PRKAR1B: variants seen among roughly 807,000 people sequenced by gnomAD.
PRKAR1B encodes the protein cAMP-dependent protein kinase type I-beta regulatory subunit.
A neutral mutation model predicts 46.5 loss-of-function variants in PRKAR1B; 22 were observed. The observed-to-expected ratio is 0.47, with a 90% CI of 0.34 to 0.68. The LOEUF is 0.68. PRKAR1B is among the 30% of genes least tolerant of loss of function. PRKAR1B has a pLI of 0.01. For missense variants in PRKAR1B, 445 were observed against 535.6 expected (o/e 0.83, Z 1.67); for synonymous variants, 259 against 217.7 (o/e 1.19, Z -1.67).
intron 2 of PRKAR1B, among the ~76,000 whole-genome samples, chr7:704,605 G>C (rs983374289): frequency 6.6e-6 from 1 of 151,266 alleles, no homozygotes; most frequent in Non-Finnish European, 1.5e-5. Flanking sequence ...GTGAAATCCC[G>C]TCCCCACCAA....
intron 4 of PRKAR1B, among the ~76,000 whole-genome samples, chr7:659,484 G>C (rs1400165353): frequency 1.3e-5 from 2 of 152,144 alleles, no homozygotes; most frequent in Non-Finnish European, 2.9e-5. Context: ...GGCCGCACAC[G>C]CCGTCCCGAG....
At chr7:595,668 C>T (rs1432419256) in intron 7 of PRKAR1B, among the ~76,000 whole-genome samples, 1 of 152,190 alleles carries the variant, frequency 6.6e-6, no homozygotes, top group Non-Finnish European at 1.5e-5. Context: ...CGTGTGCACA[C>T]AACACACACA....
At chr7:643,718 T>C (rs1362485994) in intron 4 of PRKAR1B, among the ~76,000 whole-genome samples, 7 of 150,658 alleles carry the variant, frequency 4.6e-5, no homozygotes, top group Non-Finnish European at 8.9e-5. Context: ...CGAGACTCCA[T>C]CTTGAAAAAA....
At chr7:591,312 A>T (rs1780962702) in intron 7 of PRKAR1B, among the ~76,000 whole-genome samples, 1 of 152,216 alleles carries the variant, frequency 6.6e-6, no homozygotes, top group African/African-American at 2.4e-5. Flanking sequence ...GGGGCTCTGC[A>T]GTGTGTCTGC....
Position 644,489 on chromosome 7 carries a change from C to T in PRKAR1B, c.440+32740G>A, listed in dbSNP as rs933291793. On this transcript the variant is annotated intron_variant, in intron 4 of 10. Coordinates refer to ENST00000537384, the MANE Select transcript of PRKAR1B (RefSeq NM_001164760.2). The surrounding 1 kb of genome is among the most constrained non-coding windows in gnomAD (Gnocchi z 4.9). ...CATCAGGAGGGAAGCCCCACTCGGACGCCATCCCGGGGTCCAGCATCCCTC... is the reference window on the plus strand; with the variant it reads ...CATCAGGAGGGAAGCCCCACTCGGATGCCATCCCGGGGTCCAGCATCCCTC... Among the ~76,000 whole-genome samples the T allele has an allele frequency of 7.2e-5, 11 of 152,180 alleles. No homozygotes were observed. Among genetic ancestry groups the T allele is most frequent in the Admixed American group, 2.6e-4 (4 of 15,282 alleles).
intron 4 of PRKAR1B, among the ~76,000 whole-genome samples, chr7:663,707 C>T (rs1444777200): frequency 2.0e-5 from 3 of 152,148 alleles, no homozygotes; most frequent in African/African-American, 4.8e-5. Context: ...CACAGCTCTC[C>T]GTGTGTCAGA....
rs566118605 is a variant in PRKAR1B, at chr7:560,711, T to C, written c.892-9241A>G. The stretch of plus-strand genomic sequence containing the variant: ...CTCCAGCCTCAGCTGCCTCATCTGT[T>C]ATATGGGACAACGCCAACCAATGCT... On this transcript the variant is annotated intron_variant, in intron 9 of 10. Transcript: ENST00000537384. The surrounding 1 kb of genome is among the most constrained non-coding windows in gnomAD (Gnocchi z 4.2). Among the ~76,000 whole-genome samples, 122 of 152,310 alleles carry C rather than the reference T, an allele frequency of 8.0e-4. No homozygotes were observed. The highest frequency in any genetic ancestry group is 2.8e-3 in the African/African-American group (118 of 41,562).
intron 4 of PRKAR1B, among the ~76,000 whole-genome samples, chr7:660,165 T>A (rs972661338): frequency 2.6e-5 from 4 of 151,892 alleles, no homozygotes; most frequent in Non-Finnish European, 5.9e-5. Flanking sequence ...CATGAGCCCA[T>A]CCCAGCCTTC....
At position 666,561 on chromosome 7, in the gene PRKAR1B, C is replaced by A. The variant is rs1448265325; in HGVS notation, c.440+10668G>T. ...TGCCGTCCCAGGGGATAAGGACACC[C>A]CACTCCAGCCCCAGCTGGACAATTG... On this transcript the variant is annotated intron_variant, in intron 4 of 10. Coordinates refer to ENST00000537384, the MANE Select transcript of PRKAR1B (RefSeq NM_001164760.2). This position sits in a 1 kb window ranked among gnomAD's most constrained non-coding sequence, Gnocchi z 4.9. Among the ~76,000 whole-genome samples, 2 of 152,206 alleles carry A rather than the reference C, an allele frequency of 1.3e-5. No individual in the cohort carries two copies.
intron 4 of PRKAR1B, among the ~76,000 whole-genome samples, chr7:612,757 A>C (rs936637011): frequency 6.6e-6 from 1 of 150,450 alleles, no homozygotes; most frequent in African/African-American, 2.5e-5. Flanking sequence ...GAACTTGAAG[A>C]AACAACGGGA....
chr7:606,088 C>A, intron 6 of PRKAR1B, 105 bp downstream of exon 6: 1 of 1,062,108 alleles, frequency 9.4e-7, no homozygotes, highest in Non-Finnish European at 1.5e-6. Flanking sequence ...GAATACGGCA[C>A]TCAGCGCAGT....
chr7:727,525 C>A, upstream of PRKAR1B: 1 of 302,352 alleles, frequency 3.3e-6, no homozygotes, highest in Non-Finnish European at 5.9e-6. Context: ...CCACTGCTTC[C>A]CCTGCCTCAC....
At chr7:587,983 G>A (rs13229713) in intron 7 of PRKAR1B, among the ~76,000 whole-genome samples, 51,106 of 151,978 alleles carry the variant, frequency 0.34, 9,247 homozygotes, top group East Asian at 0.67. Flanking sequence ...GGCTCAGGCC[G>A]GGTTGTTTCC....
chr7:576,700 G>T (rs963624006), intron 9 of PRKAR1B, among the ~76,000 whole-genome samples: 7 of 150,730 alleles, frequency 4.6e-5, no homozygotes, highest in Non-Finnish European at 8.9e-5. Context: ...AGCCGGCCTG[G>T]TGCCCTCTGG....
rs28629811 is a variant in PRKAR1B, at chr7:644,011, G to A, written c.440+33218C>T. Among the ~76,000 whole-genome samples, 3,463 of 152,214 alleles carry A rather than the reference G, an allele frequency of 0.023. 96 individuals are homozygous for A. Among genetic ancestry groups the A allele is most frequent in the African/African-American group, 0.065 (2,714 of 41,510 alleles). On this transcript the variant is annotated intron_variant, in intron 4 of 10. Transcript: ENST00000537384. The surrounding 1 kb of genome is among the most constrained non-coding windows in gnomAD (Gnocchi z 4.9). ...CATTCGAATTCCCACCCACAAACCCGTGAGCATGATGAAATGCCGGCTGCC... is the reference window on the plus strand; with the variant it reads ...CATTCGAATTCCCACCCACAAACCCATGAGCATGATGAAATGCCGGCTGCC...
At chr7:722,062 T>C (rs1781092471) in intron 1 of PRKAR1B, among the ~76,000 whole-genome samples, 1 of 151,964 alleles carries the variant, frequency 6.6e-6, no homozygotes, top group African/African-American at 2.4e-5. Flanking sequence ...ATCTGTGGAT[T>C]TATGTTTTTC....
At chr7:687,694 A>C (rs1389532643) in intron 2 of PRKAR1B, among the ~76,000 whole-genome samples, 3 of 152,232 alleles carry the variant, frequency 2.0e-5, no homozygotes, top group Non-Finnish European at 1.5e-5. Context: ...TAAAGACATC[A>C]GGCCACAGAT....
In PRKAR1B at chr7:684,975, T is replaced by C. The variant is rs559524747; in HGVS notation, c.178-4249A>G. On this transcript the variant is annotated intron_variant, in intron 2 of 10. Transcript: ENST00000537384. ...AATATCTAGCTCTAAAATACACTTG[T>C]TAAAACATAACCACAATCCCCATTA... Among the ~76,000 whole-genome samples the C allele has an allele frequency of 7.2e-5, 11 of 151,994 alleles. No homozygotes were observed. In the South Asian group the frequency reaches 2.3e-3, roughly 32 times the overall value.
At chr7:619,166 G>A (rs960531063) in intron 4 of PRKAR1B, among the ~76,000 whole-genome samples, 2 of 152,164 alleles carry the variant, frequency 1.3e-5, no homozygotes, top group Non-Finnish European at 2.9e-5. Context: ...TGTCCACGCA[G>A]AGCGAAGAGT....
Sources: gnomAD v4.1 joint callset for allele counts (sites outside exome capture counted in the v4.1 genomes callset) on GRCh38, gnomAD v4.1.1 for gene constraint, Gnocchi (gnomAD v3.1) non-coding constraint, MANE v1.5 for transcripts, NCBI Gene and HGNC (gene_info 2026-07-23, HGNC 2026-07-21) for gene names.